Variants in INAVA observed in about 807,000 individuals in gnomAD.
INAVA encodes the protein innate immunity activator protein.
In INAVA, 32 loss-of-function variants were observed where a neutral mutation model predicts 55.3. The observed-to-expected ratio is 0.58, with a 90% CI of 0.44 to 0.78. The LOEUF is 0.78. Ranked by LOEUF, INAVA falls within the 30% of genes least tolerant of loss-of-function variation. INAVA has a pLI of 0.00. For synonymous variants in INAVA, 294 were observed against 329.4 expected, an observed-to-expected ratio of 0.89 and a Z score of 1.16; for missense variants, 756 against 786.4, an observed-to-expected ratio of 0.96 and a Z score of 0.46.
In INAVA at chr1:200,911,188, TGTAGC is replaced by T. The variant is rs1363662971; in HGVS notation, c.960-264_960-260del. Among the ~76,000 whole-genome samples, 438 of 150,860 alleles carry T rather than the reference TGTAGC, an allele frequency of 2.9e-3. 2 individuals carry two copies. Among genetic ancestry groups the T allele is most frequent in the African/African-American group, 0.01 (411 of 40,390 alleles). Reference sequence around the variant, plus strand: ...AAAAAGTACTTAATGTGCTACTTGATGTAGCACACTTTACACGAATCACAAGCTTG... The same window carrying T: ...AAAAAGTACTTAATGTGCTACTTGATACACTTTACACGAATCACAAGCTTG... On this transcript the variant is annotated intron_variant, in intron 8 of 9. Transcript: ENST00000413687.
chr1:200,909,225 A>C lies in INAVA; in HGVS notation c.787A>C (p.Ser263Arg). The change falls in exon 8 of 10, where the codon AGC (serine) becomes CGC (arginine). Residue 263 changes from serine (S) to arginine (R), a missense_variant and splice_region_variant. By Grantham distance (110) the Ser-to-Arg change is moderately radical (BLOSUM62 -1). Around this residue, in one of 2 missense-constraint regions of INAVA, gnomAD observed 639 missense variants for 624.3 expected, o/e 1.02. Coordinates refer to ENST00000413687, the MANE Select transcript of INAVA (RefSeq NM_001142569.3). ...GACCTGTCTCTAATCCTTTTGCAGC[A>C]GCCCAGCCACCACACCACAGGATGG... is the stretch of plus-strand genomic sequence containing the variant. Reference protein sequence around the residue: ...KSSEPWSESSSPATTPQDGPS... With the variant: ...KSSEPWSESSRPATTPQDGPS... 6.6e-7 allele frequency: 1 copy of C among 1,504,638 alleles called. No individual in the cohort carries two copies. Among genetic ancestry groups the C allele is most frequent in the African/African-American group, 1.4e-5 (1 of 71,328 alleles). The allele number at this position is 1,504,638 out of a possible 1,614,324, so 93.2% of individuals were successfully genotyped here. A position where few individuals can be genotyped will look rare whatever the true frequency, so the allele number is the denominator to read the frequency against.
In INAVA at chr1:200,909,308, C is replaced by G; in HGVS notation, c.870C>G (p.Ile290Met). 2 of 1,612,418 alleles carry G rather than the reference C, an allele frequency of 1.2e-6. No homozygotes were observed. The highest frequency in any genetic ancestry group is 1.7e-6 in the Non-Finnish European group (2 of 1,179,268). The change falls in exon 8 of 10, where the codon ATC becomes ATG. Residue 290 changes from isoleucine (I) to methionine (M), a missense_variant. Physicochemically the swap from Ile to Met is conservative, Grantham distance 10. This residue lies in a region of INAVA where 639 missense variants were observed against 624.3 expected (regional missense o/e 1.02). Coordinates refer to ENST00000413687, the MANE Select transcript of INAVA (RefSeq NM_001142569.3). ...LEPASYHVVP[I>M]RGVPGQWQGR... ...CTGCCTCCTACCACGTGGTTCCCAT[C>G]CGTGGTGTTCCTGGCCAGTGGCAGG...
upstream of INAVA, among the ~76,000 whole-genome samples, chr1:200,894,348 G>A (rs1056442253): frequency 2.3e-4 from 35 of 152,188 alleles, no homozygotes; most frequent in African/African-American, 8.2e-4. Flanking sequence ...AAAAAGAACA[G>A]CCTGATCCTC....
At chr1:200,908,060 T>C (rs1301724751) in intron 6 of INAVA, 173 bp downstream of exon 6, 1 of 522,678 alleles carries the variant, frequency 1.9e-6, no homozygotes, top group Non-Finnish European at 3.5e-6. Flanking sequence ...ACATGCTCAG[T>C]TGAAGATGGG....
chr1:200,911,731 C>A lies in INAVA; in HGVS notation c.1238C>A (p.Ala413Asp), dbSNP rs757043094. ...THRHRGAWVP[A>D]GSRELVAHHP... The stretch of plus-strand genomic sequence containing the variant: ...CGTCACCGCGGGGCCTGGGTCCCAG[C>A]CGGCAGCAGAGAGCTGGTCGCCCAC... The change falls in exon 9 of 10, where the codon GCC becomes GAC. Residue 413 changes from alanine to aspartate, a missense_variant. By Grantham distance (126) the Ala-to-Asp change is moderately radical. Around this residue, in one of 2 missense-constraint regions of INAVA, gnomAD observed 639 missense variants for 624.3 expected, o/e 1.02. Coordinates refer to ENST00000413687, the MANE Select transcript of INAVA (RefSeq NM_001142569.3). The A allele has an allele frequency of 6.2e-7, 1 of 1,612,594 alleles. No individual in the cohort carries two copies. Among genetic ancestry groups the A allele is most frequent in the Non-Finnish European group, 8.5e-7 (1 of 1,178,978 alleles).
At position 200,913,603 on chromosome 1, in the gene INAVA, A is replaced by G; in HGVS notation, c.1711A>G (p.Lys571Glu). ...GAPVQVFVPEKGEIISQV is the reference protein window; with the variant it reads ...GAPVQVFVPEEGEIISQV Reference sequence around the variant, plus strand: ...CCCTGTGCAAGTCTTTGTACCTGAAAAAGGAGAGATCATCAGCCAGGTGTA... The same window carrying G: ...CCCTGTGCAAGTCTTTGTACCTGAAGAAGGAGAGATCATCAGCCAGGTGTA... Residue 571 changes from lysine to glutamate, a missense_variant, in exon 10 of 10, where the codon AAA (lysine) becomes GAA (glutamate). Physicochemically the swap from Lys to Glu is moderately conservative, Grantham distance 56. Around this residue, in one of 2 missense-constraint regions of INAVA, gnomAD observed 117 missense variants for 162.1 expected, o/e 0.72. Transcript: ENST00000413687. The G allele has an allele frequency of 6.2e-7, 1 of 1,614,130 alleles. No homozygotes were observed. Among genetic ancestry groups the G allele is most frequent in the South Asian group, 1.1e-5 (1 of 91,076 alleles).
intron 3 of INAVA, 149 bp downstream of exon 3, chr1:200,899,746 A>C: frequency 8.2e-7 from 1 of 1,221,016 alleles, no homozygotes; most frequent in Non-Finnish European, 1.1e-6. Context: ...AGTCCCCATG[A>C]TGCAGTGTTT....
intron 8 of INAVA, among the ~76,000 whole-genome samples, chr1:200,911,109 T>TA (rs199827239): frequency 3.2e-4 from 41 of 126,958 alleles, no homozygotes; most frequent in African/African-American, 9.2e-4. Flanking sequence ...TGTAGTACTT[T>TA]AAAAAAGTAC....
chr1:200,899,844 A>G (rs1015771089), intron 3 of INAVA, among the ~76,000 whole-genome samples: 33 of 152,354 alleles, frequency 2.2e-4, no homozygotes, highest in Admixed American at 9.1e-4. Flanking sequence ...GAGGGACTGC[A>G]CAGACATAAG....
intron 8 of INAVA, among the ~76,000 whole-genome samples, chr1:200,910,183 A>G (rs1440454849): frequency 6.6e-6 from 1 of 152,220 alleles, no homozygotes; most frequent in African/African-American, 2.4e-5. Context: ...CACTTACAGC[A>G]TGAGAACTGA....
chr1:200,891,552 GC>G, upstream of INAVA: 2 of 1,603,352 alleles, frequency 1.2e-6, no homozygotes, highest in Non-Finnish European at 1.7e-6. Flanking sequence ...TGCTGCAAAT[GC>G]CGAAGTTAAA....
intron 1 of INAVA, among the ~76,000 whole-genome samples, chr1:200,897,476 C>T (rs1363599106): frequency 2.0e-5 from 3 of 152,178 alleles, no homozygotes; most frequent in Non-Finnish European, 4.4e-5. Flanking sequence ...AGAGAGTGGG[C>T]GTCCTGGACT....
intron 6 of INAVA, chr1:200,908,213 G>A (rs768650178): frequency 3.7e-5 from 10 of 273,926 alleles, no homozygotes; most frequent in African/African-American, 1.1e-4. Context: ...GAGCCAAAGA[G>A]CAATCTGCCC....
At chr1:200,908,609 A>G (rs1220664674) in intron 6 of INAVA, 121 bp from the exon 7 acceptor site, 5 of 817,768 alleles carry the variant, frequency 6.1e-6, no homozygotes, top group Non-Finnish European at 7.8e-6. Flanking sequence ...CATGGCCTGC[A>G]GCAGCTGCAC....
rs200620097 is a variant in INAVA, at chr1:200,908,846, C to G, written c.691C>G (p.Arg231Gly). Residue 231 changes from arginine to glycine, a missense_variant, in exon 7 of 10, where the codon CGG becomes GGG. Arg to Gly is a moderately radical substitution (Grantham distance 125, BLOSUM62 -2). This residue lies in a region of INAVA where 639 missense variants were observed against 624.3 expected (regional missense o/e 1.02). Coordinates refer to ENST00000413687, the MANE Select transcript of INAVA (RefSeq NM_001142569.3). ...AGGACCTGAGGCTGGGAGCCCAGAACGGGCTCCAGTCCAGAACAGCCCCTG... is the reference window on the plus strand; with the variant it reads ...AGGACCTGAGGCTGGGAGCCCAGAAGGGGCTCCAGTCCAGAACAGCCCCTG... ...PTGPEAGSPE[R>G]APVQNSPWKE... The G allele has an allele frequency of 2.5e-6, 4 of 1,613,888 alleles. No individual in the cohort carries two copies. The highest frequency in any genetic ancestry group is 1.1e-5 in the South Asian group (1 of 91,064).
At chr1:200,903,850 C>T (rs1384469651) in intron 5 of INAVA, among the ~76,000 whole-genome samples, 1 of 150,838 alleles carries the variant, frequency 6.6e-6, no homozygotes, top group Admixed American at 6.6e-5. Flanking sequence ...ACCCAAAAAC[C>T]GAAATAAAAA....
At chr1:200,899,988 G>A (rs935926888) in intron 3 of INAVA, 116 bp from the exon 4 acceptor site, 3 of 785,768 alleles carry the variant, frequency 3.8e-6, no homozygotes, top group Non-Finnish European at 6.3e-6. Context: ...GATGAGGTGG[G>A]GTGGAGGGTG....
In INAVA at chr1:200,900,109, G is replaced by A. The variant is rs116373782; in HGVS notation, c.186G>A (p.Leu62=). 646 of 1,612,062 alleles carry A rather than the reference G, an allele frequency of 4.0e-4. No homozygotes were observed. The African/African-American group carries it at 7.3e-3, about 18-fold the overall frequency. The part of the protein sequence containing the change: ...LRRLCLREAE[L]TGTLPAEYPL... The stretch of plus-strand genomic sequence containing the variant: ...GGTCTCTGCTTCCTCCCCAGGAGCT[G>A]ACGGGCACCTTGCCAGCGGAGTATC... Residue 62 remains leucine (L), a synonymous_variant, in exon 4 of 10, where the codon CTG becomes CTA. Coordinates refer to ENST00000413687, the MANE Select transcript of INAVA (RefSeq NM_001142569.3).
chr1:200,906,881 G>A (rs1014024581), intron 5 of INAVA, among the ~76,000 whole-genome samples: 4 of 152,026 alleles, frequency 2.6e-5, no homozygotes, highest in South Asian at 4.1e-4. Context: ...GCTGGAGTGC[G>A]GTGGTGTGAT....
Sources: allele counts gnomAD v4.1 joint callset (sites outside exome capture counted in the v4.1 genomes callset), GRCh38; gene constraint gnomAD v4.1.1; regional missense constraint gnomAD v4.1.1; transcripts MANE v1.5; gene names NCBI Gene and HGNC (gene_info 2026-07-23, HGNC 2026-07-21).